MACROD2: variants seen among roughly 807,000 people sequenced by gnomAD.
The protein encoded by MACROD2 is ADP-ribose glycohydrolase MACROD2.
A neutral mutation model predicts 70.4 loss-of-function variants in MACROD2; 36 were observed. That is an observed-to-expected ratio of 0.51 (90% CI 0.39 to 0.68). The LOEUF (loss-of-function observed/expected upper bound fraction) is 0.68, where lower values mean the gene tolerates loss of function less well. Among genes scored for constraint, MACROD2 ranks in the 30% least tolerant of loss-of-function variants. The pLI is 0.00. For missense variants in MACROD2, 496 were observed against 538.4 expected, an observed-to-expected ratio of 0.92 and a Z score of 0.78; for synonymous variants, 172 against 178.8, an observed-to-expected ratio of 0.96 and a Z score of 0.30.
chr20:14,842,690 T>A (rs1414219946), intron 5 of MACROD2, among the ~76,000 whole-genome samples: 1 of 152,150 alleles, frequency 6.6e-6, no homozygotes, highest in Middle Eastern at 3.2e-3. Flanking sequence ...TTTTTGATGT[T>A]CTTTGGCTTT....
intron 3 of MACROD2, among the ~76,000 whole-genome samples, chr20:14,090,418 C>T (rs867654914): frequency 5.7e-4 from 87 of 152,110 alleles, no homozygotes; most frequent in African/African-American, 2.0e-3. Flanking sequence ...ACTGAAAATA[C>T]AAAAATTAGC....
At chr20:16,043,226 C>T (rs920575158) in intron 16 of MACROD2, among the ~76,000 whole-genome samples, 1 of 151,980 alleles carries the variant, frequency 6.6e-6, no homozygotes, top group Admixed American at 6.6e-5. Context: ...AGAAGTGGGG[C>T]ACCTTAAGTG....
At chr20:14,553,847 T>A (rs1978837790) in intron 4 of MACROD2, among the ~76,000 whole-genome samples, 1 of 152,208 alleles carries the variant, frequency 6.6e-6, no homozygotes, top group African/African-American at 2.4e-5. Context: ...CAGGGAACTT[T>A]CCTTCAACAC....
At chr20:14,575,755 G>A (rs183087318) in intron 4 of MACROD2, among the ~76,000 whole-genome samples, 1 of 152,170 alleles carries the variant, frequency 6.6e-6, no homozygotes, top group East Asian at 1.9e-4. Context: ...GTTACTTAGA[G>A]CTTTATTTGG....
At chr20:14,235,527 A>AT (rs1485463579) in intron 3 of MACROD2, among the ~76,000 whole-genome samples, 1 of 152,254 alleles carries the variant, frequency 6.6e-6, no homozygotes, top group East Asian at 1.9e-4. Context: ...AACATGACTC[A>AT]TTTTTTGCCC....
chr20:14,778,645 G>A (rs570547539), intron 5 of MACROD2, among the ~76,000 whole-genome samples: 2 of 152,148 alleles, frequency 1.3e-5, no homozygotes, highest in South Asian at 2.1e-4. Flanking sequence ...GAATCACATC[G>A]GAGCCATCAA....
chr20:15,537,050 A>C (rs992886425), intron 8 of MACROD2, among the ~76,000 whole-genome samples: 1 of 152,086 alleles, frequency 6.6e-6, no homozygotes, highest in Non-Finnish European at 1.5e-5. Flanking sequence ...CCCAAATCTC[A>C]TCTTGAATTT....
intron 15 of MACROD2, among the ~76,000 whole-genome samples, chr20:16,019,548 G>A (rs2066974041): frequency 6.6e-6 from 1 of 152,128 alleles, no homozygotes. Flanking sequence ...GTTGGAGGGA[G>A]GTGTGTGAGG....
chr20:15,299,181 GTGTAAACTAGTAAA>G (rs2077619214), intron 6 of MACROD2, among the ~76,000 whole-genome samples: 1 of 152,160 alleles, frequency 6.6e-6, no homozygotes, highest in South Asian at 2.1e-4. Flanking sequence ...GGGTGTGTGT[GTGTAAACTAGTAAA>G]TTTCACCTAA....
chr20:14,559,270 G>A (rs1979266330), intron 4 of MACROD2, among the ~76,000 whole-genome samples: 2 of 151,642 alleles, frequency 1.3e-5, no homozygotes, highest in African/African-American at 4.8e-5. Flanking sequence ...TTTAAGGGAT[G>A]TATGTTAAAC....
rs146329725 is a variant in MACROD2, at chr20:14,259,131, C to T, written c.271+173403C>T. On this transcript the variant is annotated intron_variant, in intron 3 of 17. Coordinates refer to ENST00000684519, the MANE Select transcript of MACROD2 (RefSeq NM_001351661.2). ...CTAATTTTTGTATTTTTAGTAGAGACGGTGTTTCACCATGTTGGCCAGGCT... is the reference window on the plus strand; with the variant it reads ...CTAATTTTTGTATTTTTAGTAGAGATGGTGTTTCACCATGTTGGCCAGGCT... Among the ~76,000 whole-genome samples, 28 of 152,142 alleles carry T rather than the reference C, an allele frequency of 1.8e-4. No individual in the cohort carries two copies. The East Asian group carries it at 4.6e-3, about 25-fold the overall frequency.
At chr20:16,008,931 T>A (rs2066825251) in intron 15 of MACROD2, among the ~76,000 whole-genome samples, 1 of 151,870 alleles carries the variant, frequency 6.6e-6, no homozygotes. Flanking sequence ...TTTCATCCTC[T>A]AAGTGCGCCC....
intron 8 of MACROD2, among the ~76,000 whole-genome samples, chr20:15,590,901 A>G (rs2048668458): frequency 6.6e-6 from 1 of 151,130 alleles, no homozygotes; most frequent in Non-Finnish European, 1.5e-5. Context: ...GAGAAAAGAG[A>G]GAGAGAGAGG....
intron 3 of MACROD2, among the ~76,000 whole-genome samples, chr20:14,464,592 G>T (rs1357689911): frequency 6.6e-6 from 1 of 151,998 alleles, no homozygotes; most frequent in African/African-American, 2.4e-5. Flanking sequence ...GAATGTGTTT[G>T]CTCTTGCTTC....
chr20:14,726,208 C>T (rs2123694091), intron 5 of MACROD2, among the ~76,000 whole-genome samples: 1 of 152,220 alleles, frequency 6.6e-6, no homozygotes, highest in South Asian at 2.1e-4. Context: ...AGGCATATTC[C>T]TTGAGTGCCA....
intron 2 of MACROD2, among the ~76,000 whole-genome samples, chr20:14,048,834 A>G (rs919555818): frequency 6.6e-6 from 1 of 152,222 alleles, no homozygotes; most frequent in African/African-American, 2.4e-5. Context: ...TTTGAAGTGT[A>G]ATATAATTTT....
At chr20:14,756,437 C>T (rs6074791) in intron 5 of MACROD2, among the ~76,000 whole-genome samples, 5 of 152,012 alleles carry the variant, frequency 3.3e-5, no homozygotes, top group Non-Finnish European at 5.9e-5. Context: ...GGCTTTTCTC[C>T]TTAGGTAGTG....
chr20:14,718,505 A>C (rs555568061), intron 5 of MACROD2, among the ~76,000 whole-genome samples: 11 of 152,088 alleles, frequency 7.2e-5, no homozygotes, highest in Non-Finnish European at 1.5e-4. Context: ...ACTCATATAC[A>C]GTGTGTTTCC....
intron 6 of MACROD2, among the ~76,000 whole-genome samples, chr20:15,347,391 G>A (rs545466944): frequency 6.6e-6 from 1 of 152,228 alleles, no homozygotes; most frequent in African/African-American, 2.4e-5. Context: ...TAGGCCACTG[G>A]ATAATCACCA....
Sources: allele counts gnomAD v4.1 joint callset (sites outside exome capture counted in the v4.1 genomes callset), GRCh38; gene constraint gnomAD v4.1.1; transcripts MANE v1.5; gene names NCBI Gene and HGNC (gene_info 2026-07-23, HGNC 2026-07-21).